MAPKBP1: variants seen among roughly 807,000 people sequenced by gnomAD.
MAPKBP1 encodes the protein mitogen-activated protein kinase binding protein 1.
A neutral mutation model predicts 170.5 loss-of-function variants in MAPKBP1; 71 were observed. The observed-to-expected ratio is 0.42, with a 90% CI of 0.34 to 0.51. MAPKBP1 has a LOEUF of 0.51. MAPKBP1 is among the 20% of genes least tolerant of loss of function. The pLI, the probability that MAPKBP1 is intolerant of heterozygous loss-of-function variation, is 0.06. For missense variants in MAPKBP1, 1,598 were observed against 1,933.0 expected, an observed-to-expected ratio of 0.83 and a Z score of 3.25; for synonymous variants, 719 against 757.9, an observed-to-expected ratio of 0.95 and a Z score of 0.84.
chr15:41,786,341 GAAAA>G (rs1308133437), intron 2 of MAPKBP1, among the ~76,000 whole-genome samples: 1 of 151,376 alleles, frequency 6.6e-6, no homozygotes, highest in South Asian at 2.1e-4. Flanking sequence ...TTTGTAAGTA[GAAAA>G]AAAATAAAGA....
At position 41,817,036 on chromosome 15, in the gene MAPKBP1, G is replaced by A; in HGVS notation, c.1711+1G>A. 2 of 1,582,466 alleles carry A rather than the reference G, an allele frequency of 1.3e-6. No homozygotes were observed. Among genetic ancestry groups the A allele is most frequent in the Middle Eastern group, 1.7e-4 (1 of 5,850 alleles). On this transcript the variant is annotated splice_donor_variant, in intron 14 of 30. Transcript: ENST00000457542. LOFTEE classifies it high-confidence loss of function. The surrounding 1 kb of genome is among the most constrained non-coding windows in gnomAD (Gnocchi z 4.2). Reference sequence around the variant, plus strand: ...TCCATCACTGCTGTTAAGTTTGCAGGTGCGGGCAGGGTGAATGAGACACAT... The same window carrying A: ...TCCATCACTGCTGTTAAGTTTGCAGATGCGGGCAGGGTGAATGAGACACAT...
chr15:41,821,522 C>G (rs894809491), intron 23 of MAPKBP1, 62 bp from the exon 24 acceptor site: 11 of 1,436,626 alleles, frequency 7.7e-6, no homozygotes, highest in African/African-American at 3.0e-5. Context: ...GGGCTTACCC[C>G]CCAGCTACCA....
intron 2 of MAPKBP1, among the ~76,000 whole-genome samples, chr15:41,787,032 G>T (rs1048615625): frequency 1.3e-5 from 2 of 150,886 alleles, no homozygotes; most frequent in African/African-American, 4.9e-5. Flanking sequence ...CCGAGTAGCT[G>T]GGATTACAGG....
At chr15:41,785,630 G>C (rs546205474) in intron 2 of MAPKBP1, among the ~76,000 whole-genome samples, 1 of 152,262 alleles carries the variant, frequency 6.6e-6, no homozygotes, top group East Asian at 1.9e-4. Flanking sequence ...TACAGGCCAA[G>C]TGAAAATGTG....
intron 2 of MAPKBP1, among the ~76,000 whole-genome samples, chr15:41,781,406 T>TTG (rs1555447231): frequency 2.6e-5 from 4 of 151,368 alleles, no homozygotes; most frequent in Non-Finnish European, 5.9e-5. Context: ...TTTGTTTTTT[T>TTG]TTTTTTCTTG....
At chr15:41,796,985 T>A (rs1032776068) in intron 2 of MAPKBP1, among the ~76,000 whole-genome samples, 5 of 152,212 alleles carry the variant, frequency 3.3e-5, no homozygotes, top group African/African-American at 1.2e-4. Flanking sequence ...TTTGTGAAAC[T>A]TTCAGTTTTA....
chr15:41,823,297 C>G lies in MAPKBP1; in HGVS notation c.3598+75C>G, dbSNP rs532279046. On this transcript the variant is annotated intron_variant, in intron 28 of 30. Transcript: ENST00000457542. ...ATGTACATGCTGGAGGAGGGAGGGCCTGGTGTGGCCCTGATGTGCCACTGT... is the reference window on the plus strand; with the variant it reads ...ATGTACATGCTGGAGGAGGGAGGGCGTGGTGTGGCCCTGATGTGCCACTGT... 87 of 1,562,296 alleles carry G rather than the reference C, an allele frequency of 5.6e-5. No homozygotes were observed. The African/African-American group carries it at 9.2e-4, about 16-fold the overall frequency.
intron 2 of MAPKBP1, among the ~76,000 whole-genome samples, chr15:41,788,238 C>T (rs927085142): frequency 1.3e-5 from 2 of 152,106 alleles, no homozygotes; most frequent in Non-Finnish European, 2.9e-5. Context: ...TTACAGGGGT[C>T]AGCCACCGCA....
intron 3 of MAPKBP1, among the ~76,000 whole-genome samples, 195 bp downstream of exon 3, chr15:41,800,109 T>C (rs1423799669): frequency 6.6e-6 from 1 of 152,208 alleles, no homozygotes; most frequent in Non-Finnish European, 1.5e-5. Context: ...CATCCTGTGC[T>C]GCTTTTCAGT....
intron 5 of MAPKBP1, 66 bp from the exon 6 acceptor site, chr15:41,811,891 G>C (rs1001700451): frequency 6.4e-7 from 1 of 1,560,404 alleles, no homozygotes; most frequent in Non-Finnish European, 8.8e-7. Flanking sequence ...CGCTCTGGAA[G>C]ACGAAGTGGG....
At chr15:41,786,758 C>G in intron 2 of MAPKBP1, among the ~76,000 whole-genome samples, 1 of 17,760 alleles carries the variant, frequency 5.6e-5, no homozygotes, top group Non-Finnish European at 1.1e-4. Context: ...GAGCCAGACT[C>G]CGTCTAAAAA....
Position 41,817,624 on chromosome 15 carries a change from G to A in MAPKBP1, c.1793G>A (p.Gly598Glu), listed in dbSNP as rs2064914498. 1.2e-6 allele frequency: 2 copies of A among 1,614,076 alleles called. No homozygotes were observed. The highest frequency in any genetic ancestry group is 1.7e-5 in the Admixed American group (1 of 60,004). The change falls in exon 16 of 31, where the codon GGA (glycine) becomes GAA (glutamate). Residue 598 changes from glycine (G) to glutamate (E), a missense_variant. Around this residue, in one of 6 missense-constraint regions of MAPKBP1, gnomAD observed 430 missense variants for 617.2 expected, o/e 0.70. Transcript: ENST00000457542. The surrounding 1 kb of genome is among the most constrained non-coding windows in gnomAD (Gnocchi z 4.2). ...GCTCCACCCCTGCAGTCTGGAGATG[G>A]AGTGCAGTTCACACGGACACACCAC... ...YFRTAQKSGDGVQFTRTHHVV... is the reference protein window; with the variant it reads ...YFRTAQKSGDEVQFTRTHHVV...
chr15:41,778,208 A>G (rs1025256220), intron 2 of MAPKBP1, among the ~76,000 whole-genome samples: 1 of 152,268 alleles, frequency 6.6e-6, no homozygotes, highest in Non-Finnish European at 1.5e-5. Flanking sequence ...GATGTCAAAT[A>G]TAGTGCGGGA....
In MAPKBP1 at chr15:41,807,291, G is replaced by A. The variant is rs1350150723; in HGVS notation, c.207-3592G>A. Reference sequence around the variant, plus strand: ...GAACATAGGAGAAGGAGGAAACAGAGGATATTGTGTCCCAGGAAGACTGAG... The same window carrying A: ...GAACATAGGAGAAGGAGGAAACAGAAGATATTGTGTCCCAGGAAGACTGAG... On this transcript the variant is annotated intron_variant, in intron 3 of 30. Transcript: ENST00000457542. Among the ~76,000 whole-genome samples, 6 of 152,304 alleles carry A rather than the reference G, an allele frequency of 3.9e-5. No homozygotes were observed. In the South Asian group the frequency reaches 1.0e-3, roughly 26 times the overall value.
chr15:41,793,202 T>A (rs553492439), intron 2 of MAPKBP1, among the ~76,000 whole-genome samples: 3 of 152,190 alleles, frequency 2.0e-5, no homozygotes, highest in Non-Finnish European at 4.4e-5. Context: ...AACGCTAATA[T>A]GTGGGCTGGG....
At position 41,813,043 on chromosome 15, in the gene MAPKBP1, CAG is replaced by C. The variant is rs753032458; in HGVS notation, c.762_763del (p.Gly255AlafsTer7). 6.2e-7 allele frequency: 1 copy of C among 1,613,822 alleles called. No individual in the cohort carries two copies. The highest frequency in any genetic ancestry group is 8.5e-7 in the Non-Finnish European group (1 of 1,179,798). Reference sequence around the variant, plus strand: ...GACAGTACCTTCTGCATCACGTCCTCAGGGCTGCTGTGCGAGTTCAGTGATCG... The same window carrying C: ...GACAGTACCTTCTGCATCACGTCCTCGGCTGCTGTGCGAGTTCAGTGATCG... On this transcript the variant is annotated frameshift_variant, in exon 8 of 31. Coordinates refer to ENST00000457542, the MANE Select transcript of MAPKBP1 (RefSeq NM_014994.3). LOFTEE classifies it high-confidence loss of function.
At chr15:41,776,962 G>C (rs2064108266) in intron 2 of MAPKBP1, among the ~76,000 whole-genome samples, 1 of 152,138 alleles carries the variant, frequency 6.6e-6, no homozygotes. Context: ...ATTAAAACAC[G>C]GTGTGGTAAG....
intron 2 of MAPKBP1, among the ~76,000 whole-genome samples, chr15:41,786,007 G>A (rs1408704713): frequency 2.0e-5 from 3 of 152,166 alleles, no homozygotes; most frequent in African/African-American, 4.8e-5. Flanking sequence ...TAGGGGATTG[G>A]TGTACATCAA....
In MAPKBP1 at chr15:41,821,585, A is replaced by C; in HGVS notation, c.2720A>C (p.Asn907Thr). ...EALETSLTSQ[N>T]EKPPRPQASQ... ...TAACATCCCTTTGTGTGTTCCCAGA[A>C]TGAAAAGCCCCCTCGGCCTCAGGCT... is the stretch of plus-strand genomic sequence containing the variant. Residue 907 changes from asparagine to threonine, a missense_variant and splice_region_variant, in exon 24 of 31, where the codon AAT becomes ACT. By Grantham distance (65) the Asn-to-Thr change is moderately conservative. Transcript: ENST00000457542. 1 of 1,612,144 alleles carries C rather than the reference A, an allele frequency of 6.2e-7. No individual in the cohort carries two copies.
Sources: gnomAD v4.1 joint callset for allele counts (sites outside exome capture counted in the v4.1 genomes callset) on GRCh38, gnomAD v4.1.1 for gene constraint, gnomAD v4.1.1 regional missense constraint, Gnocchi (gnomAD v3.1) non-coding constraint, MANE v1.5 for transcripts, NCBI Gene and HGNC (gene_info 2026-07-23, HGNC 2026-07-21) for gene names.